Variants in NELL2 observed in about 807,000 individuals in gnomAD.
NELL2 encodes neural EGFL like 2.
A neutral mutation model predicts 109.6 loss-of-function variants in NELL2; 41 were observed. The ratio of observed to expected loss-of-function variants is 0.37; its 90% confidence interval spans 0.29 to 0.49. NELL2 has a LOEUF of 0.49. Ranked by LOEUF, NELL2 falls within the 20% of genes least tolerant of loss-of-function variation. The pLI is 0.98. For synonymous variants in NELL2, 355 were observed against 344.7 expected (o/e 1.03, Z -0.33); for missense variants, 900 against 1,008.3 (o/e 0.89, Z 1.45).
At chr12:44,585,129 A>G (rs1332020302) in intron 15 of NELL2, among the ~76,000 whole-genome samples, 2 of 152,242 alleles carry the variant, frequency 1.3e-5, no homozygotes, top group African/African-American at 4.8e-5. Flanking sequence ...TAACTTGCAT[A>G]CATCCTTTAT....
intron 12 of NELL2, among the ~76,000 whole-genome samples, chr12:44,683,064 C>T (rs1267404719): frequency 1.3e-5 from 2 of 152,000 alleles, no homozygotes; most frequent in Non-Finnish European, 1.5e-5. Context: ...TGGAATGTTC[C>T]TCCATTTGTT....
At chr12:44,793,532 C>T (rs1592546762) in intron 3 of NELL2, among the ~76,000 whole-genome samples, 1 of 152,122 alleles carries the variant, frequency 6.6e-6, no homozygotes, top group Admixed American at 6.6e-5. Flanking sequence ...TATTGAATTC[C>T]TAAACCTAAG....
intron 12 of NELL2, among the ~76,000 whole-genome samples, chr12:44,686,727 G>GGGGGTGA (rs990364130): frequency 1.2e-4 from 18 of 152,090 alleles, no homozygotes; most frequent in Non-Finnish European, 2.5e-4. Context: ...TAGTCTGCTC[G>GGGGGTGA]GGGGTCAGGG....
intron 15 of NELL2, among the ~76,000 whole-genome samples, chr12:44,564,172 GT>G (rs1451502887): frequency 6.6e-6 from 1 of 152,142 alleles, no homozygotes; most frequent in East Asian, 1.9e-4. Flanking sequence ...TTTACCTATA[GT>G]TTTTAGTGAG....
intron 3 of NELL2, among the ~76,000 whole-genome samples, chr12:44,804,352 A>G (rs549704132): frequency 1.3e-5 from 2 of 152,042 alleles, no homozygotes; most frequent in South Asian, 2.1e-4. Flanking sequence ...ACATCTTTCA[A>G]CCACAAAAAT....
chr12:44,632,820 C>T (rs1031194677), intron 13 of NELL2, among the ~76,000 whole-genome samples: 3 of 152,076 alleles, frequency 2.0e-5, no homozygotes, highest in Non-Finnish European at 4.4e-5. Context: ...TTAGAATCTT[C>T]TCATTAATTT....
rs1415639128 is a variant in NELL2, at chr12:44,617,529, C to T, written c.1445-6559G>A. On this transcript the variant is annotated intron_variant, in intron 13 of 19. Coordinates refer to ENST00000429094, the MANE Select transcript of NELL2 (RefSeq NM_001145108.2). ...GGTGAAACCCCGTCTCTACTAAAAA[C>T]ACACACAAAAAAATTAGCCGGGCGT... is the stretch of plus-strand genomic sequence containing the variant. 5.9e-5 allele frequency among the ~76,000 whole-genome samples: 8 copies of T among 134,932 alleles called. 2 individuals carry two copies. Among genetic ancestry groups the T allele is most frequent in the African/African-American group, 2.7e-4 (8 of 29,682 alleles). The allele number at this position is 134,932 out of a possible 152,430, so 88.5% of individuals were successfully genotyped here. A position where few individuals can be genotyped will look rare whatever the true frequency, so the allele number is the denominator to read the frequency against.
intron 1 of NELL2, among the ~76,000 whole-genome samples, chr12:44,902,079 G>A (rs1282129696): frequency 6.6e-6 from 1 of 152,010 alleles, no homozygotes; most frequent in Non-Finnish European, 1.5e-5. Flanking sequence ...AAGAAATAAA[G>A]GTATTCAAAT....
At position 44,773,455 on chromosome 12, in the gene NELL2, G is replaced by C. The variant is rs185889300; in HGVS notation, c.994+1292C>G. Among the ~76,000 whole-genome samples the C allele has an allele frequency of 2.7e-3, 405 of 151,966 alleles. 2 individuals carry two copies. Among genetic ancestry groups the C allele is most frequent in the African/African-American group, 9.1e-3 (375 of 41,428 alleles). ...CACGCCACTGCACTCCAGCCTGGGC[G>C]ACAGAGCGAGGCTCCGTCTCAAGAA... On this transcript the variant is annotated intron_variant, in intron 9 of 19. Transcript: ENST00000429094.
intron 2 of NELL2, among the ~76,000 whole-genome samples, chr12:44,820,017 C>A (rs1943486491): frequency 6.6e-6 from 1 of 151,978 alleles, no homozygotes; most frequent in African/African-American, 2.4e-5. Flanking sequence ...CACCTGGTGC[C>A]CCAGCCCAGA....
Position 44,635,066 on chromosome 12 carries a change from T to G in NELL2, c.1445-24096A>C, listed in dbSNP as rs139775348. 2.4e-3 allele frequency among the ~76,000 whole-genome samples: 365 copies of G among 152,312 alleles called. 3 individuals are homozygous for G. The highest frequency in any genetic ancestry group is 7.9e-3 in the African/African-American group (330 of 41,556). On this transcript the variant is annotated intron_variant, in intron 13 of 19. Transcript: ENST00000429094. ...TGAGTTTTTTTTCATGTTTGTTGGC[T>G]GCATAAATGTCTTCTTTTGAGAAGT...
intron 13 of NELL2, among the ~76,000 whole-genome samples, chr12:44,633,584 C>G (rs1946531102): frequency 6.6e-6 from 1 of 152,060 alleles, no homozygotes; most frequent in Non-Finnish European, 1.5e-5. Context: ...CATGCCTTTA[C>G]AAATCACACG....
intron 9 of NELL2, among the ~76,000 whole-genome samples, chr12:44,750,478 T>C (rs546539239): frequency 3.9e-5 from 6 of 152,172 alleles, no homozygotes; most frequent in African/African-American, 1.4e-4. Context: ...GCAAGCAAAA[T>C]GAAGCAACTC....
intron 3 of NELL2, among the ~76,000 whole-genome samples, chr12:44,784,039 A>G (rs1942068916): frequency 6.6e-6 from 1 of 152,144 alleles, no homozygotes. Context: ...AATCCATTAT[A>G]CTGACTAACA....
At chr12:44,564,384 G>A (rs758947294) in intron 15 of NELL2, among the ~76,000 whole-genome samples, 23 of 152,270 alleles carry the variant, frequency 1.5e-4, no homozygotes, top group South Asian at 2.1e-4. Context: ...AAGGGAAAGC[G>A]AAACGGTATA....
At chr12:44,633,729 C>G (rs770289618) in intron 13 of NELL2, among the ~76,000 whole-genome samples, 1 of 152,040 alleles carries the variant, frequency 6.6e-6, no homozygotes, top group African/African-American at 2.4e-5. Context: ...TCTTACCCAC[C>G]CCTAATATGA....
At chr12:44,807,805 C>A (rs978001241) in intron 3 of NELL2, among the ~76,000 whole-genome samples, 1 of 151,862 alleles carries the variant, frequency 6.6e-6, no homozygotes, top group African/African-American at 2.4e-5. Flanking sequence ...AACACAGAAA[C>A]GGGAAGTATG....
intron 9 of NELL2, among the ~76,000 whole-genome samples, chr12:44,725,512 C>T (rs1048530991): frequency 1.3e-5 from 2 of 152,170 alleles, no homozygotes; most frequent in African/African-American, 2.4e-5. Context: ...GGTACATACT[C>T]AGACAAATAT....
chr12:44,517,406 TC>T (rs1941326327), intron 19 of NELL2, among the ~76,000 whole-genome samples: 1 of 149,528 alleles, frequency 6.7e-6, no homozygotes, highest in African/African-American at 2.5e-5. Context: ...TCTCTCTCTC[TC>T]TCTCTCTCTC....
Sources: gnomAD v4.1 joint callset for allele counts (sites outside exome capture counted in the v4.1 genomes callset) on GRCh38, gnomAD v4.1.1 for gene constraint, MANE v1.5 for transcripts, NCBI Gene and HGNC (gene_info 2026-07-23, HGNC 2026-07-21) for gene names.